ERC2: variants seen among roughly 807,000 people sequenced by gnomAD.
The protein encoded by ERC2 is ERC protein 2.
In ERC2, 42 loss-of-function variants were observed where a neutral mutation model predicts 114.8. The ratio of observed to expected loss-of-function variants is 0.37; its 90% confidence interval spans 0.29 to 0.47. The LOEUF (loss-of-function observed/expected upper bound fraction) is 0.47. Ranked by LOEUF, ERC2 falls within the 20% of genes least tolerant of loss-of-function variation. The pLI, the probability that ERC2 is intolerant of heterozygous loss-of-function variation, is 0.99. For synonymous variants in ERC2, 454 were observed against 425.5 expected, an observed-to-expected ratio of 1.07 and a Z score of -0.82; for missense variants, 939 against 1,150.7, an observed-to-expected ratio of 0.82 and a Z score of 2.66.
At chr3:56,224,978 C>A (rs1371740553) in intron 3 of ERC2, among the ~76,000 whole-genome samples, 2 of 152,080 alleles carry the variant, frequency 1.3e-5, no homozygotes, top group Non-Finnish European at 2.9e-5. Flanking sequence ...TAAGAGGGGA[C>A]CTGCTCCCAT....
At chr3:55,853,308 C>T (rs938350545) in intron 14 of ERC2, among the ~76,000 whole-genome samples, 19 of 152,328 alleles carry the variant, frequency 1.2e-4, no homozygotes, top group Admixed American at 1.0e-3. Context: ...GGGAAGAACA[C>T]TTGAGCTCAG....
At chr3:56,173,788 C>A in intron 3 of ERC2, 1 of 420,458 alleles carries the variant, frequency 2.4e-6, no homozygotes, top group Non-Finnish European at 4.3e-6. Flanking sequence ...AATCATAGTC[C>A]AAATACTGTT....
intron 13 of ERC2, among the ~76,000 whole-genome samples, chr3:55,901,132 A>G (rs1045352810): frequency 6.6e-5 from 10 of 152,252 alleles, no homozygotes; most frequent in Non-Finnish European, 1.3e-4. Flanking sequence ...GTGGATGAAC[A>G]TAAATTAGTG....
intron 6 of ERC2, among the ~76,000 whole-genome samples, chr3:56,118,503 A>C (rs922464546): frequency 3.3e-5 from 5 of 152,202 alleles, no homozygotes; most frequent in African/African-American, 1.2e-4. Context: ...AGAAAAATAA[A>C]TAGCAAGAAC....
chr3:56,388,693 A>T (rs570007795), intron 2 of ERC2, among the ~76,000 whole-genome samples: 1 of 152,262 alleles, frequency 6.6e-6, no homozygotes, highest in African/African-American at 2.4e-5. Context: ...ACGTTGTCAC[A>T]ATACTCTACC....
chr3:56,025,275 T>A (rs2073969287), intron 7 of ERC2, among the ~76,000 whole-genome samples: 1 of 152,204 alleles, frequency 6.6e-6, no homozygotes, highest in Admixed American at 6.5e-5. Flanking sequence ...CCCATTGTAT[T>A]AATTTTCTAC....
chr3:55,537,376 T>A (rs1575508309), intron 17 of ERC2, among the ~76,000 whole-genome samples: 1 of 151,996 alleles, frequency 6.6e-6, no homozygotes, highest in Admixed American at 6.6e-5. Context: ...TATCAAAGGG[T>A]GAGATACCAG....
chr3:55,686,409 A>T (rs1322405897), intron 16 of ERC2, among the ~76,000 whole-genome samples: 4 of 152,224 alleles, frequency 2.6e-5, no homozygotes, highest in Non-Finnish European at 5.9e-5. Flanking sequence ...CTAACCTTCA[A>T]AGCTTAAACA....
chr3:56,326,882 C>T (rs1280276462), intron 2 of ERC2, among the ~76,000 whole-genome samples: 1 of 152,206 alleles, frequency 6.6e-6, no homozygotes, highest in Non-Finnish European at 1.5e-5. Flanking sequence ...TCAAGGGTCC[C>T]ATGCCCTCTT....
At chr3:56,407,077 C>G (rs2060757321) in intron 2 of ERC2, among the ~76,000 whole-genome samples, 1 of 152,046 alleles carries the variant, frequency 6.6e-6, no homozygotes, top group Non-Finnish European at 1.5e-5. Context: ...TTATTCTGAG[C>G]CACATAAAAC....
intron 2 of ERC2, among the ~76,000 whole-genome samples, chr3:56,321,862 A>G (rs2057141660): frequency 6.6e-6 from 1 of 152,244 alleles, no homozygotes; most frequent in African/African-American, 2.4e-5. Context: ...TGCAAATATA[A>G]CAACAGTTAC....
Position 56,416,182 on chromosome 3 carries a change from C to A in ERC2, c.657+18169G>T, listed in dbSNP as rs918325679. On this transcript the variant is annotated intron_variant, in intron 2 of 17. Coordinates refer to ENST00000288221, the MANE Select transcript of ERC2 (RefSeq NM_015576.3). ...GTAGGGGCTTTCTCTTTTTGATGTACCAAGCAGTCTTTTTAGGTTAAAATT... is the reference window on the plus strand; with the variant it reads ...GTAGGGGCTTTCTCTTTTTGATGTAACAAGCAGTCTTTTTAGGTTAAAATT... 2.0e-5 allele frequency among the ~76,000 whole-genome samples: 3 copies of A among 152,242 alleles called. No individual in the cohort carries two copies. In the South Asian group the frequency reaches 6.2e-4, roughly 32 times the overall value.
At chr3:55,992,365 A>G in intron 10 of ERC2, 115 bp from the exon 11 acceptor site, 2 of 917,058 alleles carry the variant, frequency 2.2e-6, no homozygotes, top group Non-Finnish European at 3.3e-6. Flanking sequence ...ACCAAGATTT[A>G]TGGGTATATT....
chr3:56,437,907 T>C (rs753786311), intron 1 of ERC2, among the ~76,000 whole-genome samples: 1 of 152,254 alleles, frequency 6.6e-6, no homozygotes, highest in Non-Finnish European at 1.5e-5. Context: ...TTACTCACAC[T>C]GTTGTAAAAC....
At chr3:55,606,824 C>T (rs937333532) in intron 17 of ERC2, 1 of 152,410 alleles carries the variant, frequency 6.6e-6, no homozygotes, top group Non-Finnish European at 1.5e-5. Flanking sequence ...CGCTGTCTCC[C>T]TCCTCCTCTT....
At chr3:56,075,322 A>G (rs2076921912) in intron 7 of ERC2, among the ~76,000 whole-genome samples, 1 of 152,106 alleles carries the variant, frequency 6.6e-6, no homozygotes, top group Non-Finnish European at 1.5e-5. Context: ...CAGAGGAAAG[A>G]GGGTGAGGGA....
intron 2 of ERC2, among the ~76,000 whole-genome samples, chr3:56,402,504 T>C (rs2060557643): frequency 6.6e-6 from 1 of 152,054 alleles, no homozygotes; most frequent in South Asian, 2.1e-4. Flanking sequence ...GCCTCCTATC[T>C]CAAAGGGTGT....
intron 2 of ERC2, among the ~76,000 whole-genome samples, chr3:56,378,922 A>G (rs1398209581): frequency 1.3e-5 from 2 of 152,224 alleles, no homozygotes; most frequent in African/African-American, 4.8e-5. Context: ...TGCAAGCCAC[A>G]TGTGCAATTT....
intron 6 of ERC2, among the ~76,000 whole-genome samples, chr3:56,092,409 T>C (rs899207165): frequency 2.0e-5 from 3 of 152,176 alleles, no homozygotes; most frequent in African/African-American, 7.2e-5. Context: ...GGCTACTTCT[T>C]ACACTAAAAT....
Sources: allele counts gnomAD v4.1 joint callset (sites outside exome capture counted in the v4.1 genomes callset), GRCh38; gene constraint gnomAD v4.1.1; transcripts MANE v1.5; gene names NCBI Gene and HGNC (gene_info 2026-07-23, HGNC 2026-07-21).